The following FHIT variants were observed in gnomAD, a reference collection of about 807,000 sequenced individuals.
FHIT encodes the protein fragile histidine triad diadenosine triphosphatase, also known as bis(5'-adenosyl)-triphosphatase.
In FHIT, 19 loss-of-function variants were observed where a neutral mutation model predicts 17.9. The ratio of observed to expected loss-of-function variants is 1.06; its 90% CI spans 0.74 to 1.56. FHIT has a LOEUF of 1.56. FHIT is among the 40% of genes most tolerant of loss of function. The pLI is 0.00. For missense variants in FHIT, 248 were observed against 189.2 expected (o/e 1.31, Z -1.82); for synonymous variants, 81 against 69.7 (o/e 1.16, Z -0.81).
At chr3:61,090,297 T>G (rs2035439671) in intron 2 of FHIT, among the ~76,000 whole-genome samples, 1 of 152,178 alleles carries the variant, frequency 6.6e-6, no homozygotes. Context: ...TTTTCAAAAT[T>G]CCAAGAACCC....
intron 5 of FHIT, among the ~76,000 whole-genome samples, chr3:60,092,433 T>C (rs148837996): frequency 3.2e-4 from 49 of 152,316 alleles, no homozygotes; most frequent in Admixed American, 1.2e-3. Context: ...TTTATCTACA[T>C]AGTACTTTAG....
chr3:59,853,038 T>C (rs1365780342), intron 8 of FHIT, among the ~76,000 whole-genome samples: 1 of 152,186 alleles, frequency 6.6e-6, no homozygotes, highest in Non-Finnish European at 1.5e-5. Context: ...TGAGTAAATA[T>C]CAAGGAATAC....
intron 4 of FHIT, among the ~76,000 whole-genome samples, chr3:60,675,003 T>G (rs982087145): frequency 4.6e-5 from 7 of 152,176 alleles, no homozygotes; most frequent in Non-Finnish European, 1.5e-5. Context: ...GAAACAAGCA[T>G]GTAATGCTTG....
At chr3:60,976,672 G>T (rs1197544665) in intron 3 of FHIT, among the ~76,000 whole-genome samples, 1 of 152,166 alleles carries the variant, frequency 6.6e-6, no homozygotes, top group African/African-American at 2.4e-5. Context: ...ACAGTGATTT[G>T]ATGAATGAAA....
intron 8 of FHIT, among the ~76,000 whole-genome samples, chr3:59,841,981 C>T (rs192363302): frequency 6.6e-6 from 1 of 152,170 alleles, no homozygotes; most frequent in Non-Finnish European, 1.5e-5. Flanking sequence ...ACATTGTGGG[C>T]TACAATTGCC....
chr3:61,087,012 G>T (rs1169536757), intron 2 of FHIT, among the ~76,000 whole-genome samples: 2 of 151,948 alleles, frequency 1.3e-5, no homozygotes, highest in Non-Finnish European at 2.9e-5. Flanking sequence ...TCCCAAATCA[G>T]TGCTTTTGCA....
chr3:60,576,827 A>G (rs961739617), intron 4 of FHIT, among the ~76,000 whole-genome samples: 6 of 152,054 alleles, frequency 3.9e-5, no homozygotes, highest in Non-Finnish European at 8.8e-5. Flanking sequence ...ATGAAAACCT[A>G]TCCCCCTAAA....
At chr3:60,230,404 C>G (rs1312244549) in intron 5 of FHIT, among the ~76,000 whole-genome samples, 1 of 152,078 alleles carries the variant, frequency 6.6e-6, no homozygotes, top group African/African-American at 2.4e-5. Flanking sequence ...TGTAAGATGA[C>G]ATTATAATTT....
At chr3:60,032,189 T>G (rs868087450) in intron 5 of FHIT, among the ~76,000 whole-genome samples, 3 of 152,206 alleles carry the variant, frequency 2.0e-5, no homozygotes, top group South Asian at 4.1e-4. Context: ...TCCTTGGTAC[T>G]TCTCTATACT....
At chr3:61,210,542 G>T (rs1216843858) in intron 1 of FHIT, among the ~76,000 whole-genome samples, 1 of 152,228 alleles carries the variant, frequency 6.6e-6, no homozygotes, top group African/African-American at 2.4e-5. Flanking sequence ...CCGCCTTGCA[G>T]TTTGATCTCA....
chr3:60,246,066 A>G (rs1705381040), intron 5 of FHIT, among the ~76,000 whole-genome samples: 1 of 152,094 alleles, frequency 6.6e-6, no homozygotes. Context: ...GCTTATTTTT[A>G]TATTGTTTAC....
chr3:60,399,721 G>T (rs886110805), intron 5 of FHIT, among the ~76,000 whole-genome samples: 1 of 152,184 alleles, frequency 6.6e-6, no homozygotes, highest in Non-Finnish European at 1.5e-5. Flanking sequence ...ATACAAAGTA[G>T]GACACCATTT....
chr3:61,015,792 A>C (rs2032075512), intron 3 of FHIT, among the ~76,000 whole-genome samples: 1 of 152,150 alleles, frequency 6.6e-6, no homozygotes, highest in Non-Finnish European at 1.5e-5. Flanking sequence ...GATGGTAGGC[A>C]GGTATTTACT....
chr3:60,550,329 TAGA>T (rs5849375), intron 4 of FHIT, among the ~76,000 whole-genome samples: 48,697 of 151,892 alleles, frequency 0.32, 8,205 homozygotes, highest in East Asian at 0.49. Flanking sequence ...AAGAGGATCC[TAGA>T]AGAAGATAAC....
chr3:60,540,569 G>C (rs1436436427), intron 4 of FHIT, among the ~76,000 whole-genome samples: 1 of 152,144 alleles, frequency 6.6e-6, no homozygotes, highest in Non-Finnish European at 1.5e-5. Context: ...GTGTGTTGGG[G>C]GGAAAGAAAC....
At chr3:60,323,987 AG>A (rs1248983208) in intron 5 of FHIT, among the ~76,000 whole-genome samples, 4,754 of 88,696 alleles carry the variant, frequency 0.054, 230 homozygotes, top group African/African-American at 0.2. Context: ...AAGGTAGGGC[AG>A]TTTTTTTTAA....
chr3:60,551,260 A>T (rs241685), intron 4 of FHIT, among the ~76,000 whole-genome samples: 106,283 of 150,364 alleles, frequency 0.71, 38,141 homozygotes, highest in African/African-American at 0.82. Flanking sequence ...ACTCGTGATA[A>T]CAAAGATTCA....
intron 4 of FHIT, among the ~76,000 whole-genome samples, chr3:60,571,803 C>G (rs1340867352): frequency 1.3e-5 from 2 of 151,944 alleles, no homozygotes; most frequent in African/African-American, 4.8e-5. Context: ...GATCCAAAAG[C>G]AAGGTAACAA....
chr3:61,201,247 T>C (rs2039003021), intron 1 of FHIT, among the ~76,000 whole-genome samples: 1 of 152,216 alleles, frequency 6.6e-6, no homozygotes, highest in African/African-American at 2.4e-5. Context: ...AAGCCACAAC[T>C]TGACATTTCA....
Sources: gnomAD v4.1 joint callset for allele counts (sites outside exome capture counted in the v4.1 genomes callset) on GRCh38, gnomAD v4.1.1 for gene constraint, MANE v1.5 for transcripts, NCBI Gene and HGNC (gene_info 2026-07-23, HGNC 2026-07-21) for gene names.